POLR2F: variants seen among roughly 807,000 people sequenced by gnomAD.
POLR2F encodes the protein DNA-directed RNA polymerases I, II, and III subunit RPABC2.
Under a neutral mutation model 22.7 loss-of-function variants are expected in POLR2F, and 12 were observed. The observed-to-expected ratio is 0.53, with a 90% CI of 0.34 to 0.86. The LOEUF is 0.86. POLR2F is among the 40% of genes least tolerant of loss of function. The pLI, the probability that POLR2F is intolerant of heterozygous loss-of-function variation, is 0.02. For synonymous variants in POLR2F, 57 were observed against 66.0 expected (o/e 0.86, Z 0.66); for missense variants, 126 against 171.5 (o/e 0.73, Z 1.48).
intron 1 of POLR2F, among the ~76,000 whole-genome samples, chr22:37,995,834 A>ATT (rs200863783): frequency 1.4e-5 from 2 of 146,362 alleles, no homozygotes; most frequent in African/African-American, 5.4e-5. Flanking sequence ...TCTACTAAAA[A>ATT]TTAAAAAAAA....
intron 4 of POLR2F, among the ~76,000 whole-genome samples, chr22:37,976,984 A>G (rs1323054960): frequency 6.6e-6 from 1 of 151,786 alleles, no homozygotes; most frequent in East Asian, 2.0e-4. Flanking sequence ...CCTGGGCAAT[A>G]TAGTGAAACC....
intron 4 of POLR2F, among the ~76,000 whole-genome samples, chr22:37,977,449 T>C (rs1932254958): frequency 6.6e-6 from 1 of 151,680 alleles, no homozygotes; most frequent in Non-Finnish European, 1.5e-5. Context: ...GCCTCCTGAG[T>C]AGCTGGGACT....
rs377119587 is a variant in POLR2F at position 37,953,934 on chromosome 22, G to A, written c.20+127G>A. The A allele has an allele frequency of 5.3e-5, 62 of 1,177,858 alleles. No homozygotes were observed. The African/African-American group carries it at 8.7e-4, about 17-fold the overall frequency. The allele number at this position is 1,177,858 out of a possible 1,614,324, so 73.0% of individuals were successfully genotyped here. ...AGGGGACTGGGGTCCTGAGGGGGCCGGCGGAGCCGAGGAAGGGAAGGGCGG... is the reference window on the plus strand; with the variant it reads ...AGGGGACTGGGGTCCTGAGGGGGCCAGCGGAGCCGAGGAAGGGAAGGGCGG... On this transcript the variant is annotated intron_variant, in intron 1 of 4. Transcript: ENST00000442738.
At chr22:38,031,381 C>G (rs985153463), downstream of POLR2F, among the ~76,000 whole-genome samples, 1 of 152,170 alleles carries the variant, frequency 6.6e-6, no homozygotes, top group African/African-American at 2.4e-5. The surrounding 1 kb of genome is among the most constrained non-coding windows in gnomAD (Gnocchi z 4.1). Flanking sequence ...CACGTCCCCC[C>G]ACAAGGTAGA....
chr22:37,958,164 C>T (rs1320202475), intron 2 of POLR2F, among the ~76,000 whole-genome samples: 2 of 151,670 alleles, frequency 1.3e-5, no homozygotes, highest in Non-Finnish European at 2.9e-5. Flanking sequence ...GGTTCTGCAC[C>T]ACCATGCCCA....
intron 3 of POLR2F, among the ~76,000 whole-genome samples, chr22:37,964,572 C>CTTTT (rs11428366): frequency 6.1e-5 from 8 of 131,280 alleles, no homozygotes; most frequent in South Asian, 4.8e-4. Context: ...TTCTTTCTTT[C>CTTTT]TTTTTTTTTT....
chr22:37,957,510 G>A lies in POLR2F; in HGVS notation c.90+668G>A, dbSNP rs533486134. Among the ~76,000 whole-genome samples the A allele has an allele frequency of 3.3e-5, 5 of 152,304 alleles. No individual in the cohort carries two copies. The East Asian group carries it at 7.7e-4, about 23-fold the overall frequency. ...GGTGGATAGGTTGCCAGCCTCAAGA[G>A]GAAAGTAGGGCTTTCTGTCTTGTGT... On this transcript the variant is annotated intron_variant, in intron 2 of 4. Coordinates refer to ENST00000442738, the MANE Select transcript of POLR2F (RefSeq NM_021974.5).
downstream of POLR2F, chr22:37,974,167 G>A (rs751068158): frequency 1.2e-6 from 2 of 1,607,356 alleles, no homozygotes; most frequent in Non-Finnish European, 1.7e-6. This position sits in a 1 kb window ranked among gnomAD's most constrained non-coding sequence, Gnocchi z 5.4. Context: ...TCTTCGGGGT[G>A]GTTGGAGGGG....
chr22:37,986,189 C>G, upstream of POLR2F: 2 of 1,542,582 alleles, frequency 1.3e-6, no homozygotes, highest in Non-Finnish European at 1.7e-6. This position sits in a 1 kb window ranked among gnomAD's most constrained non-coding sequence, Gnocchi z 4.7. Context: ...GGAGAGGAGC[C>G]GCCCTGGATG....
Position 37,968,127 on chromosome 22 carries a change from T to C in POLR2F, c.*412T>C, listed in dbSNP as rs957876673. On this transcript the variant is annotated 3_prime_UTR_variant, in exon 5 of 5. Coordinates refer to ENST00000442738, the MANE Select transcript of POLR2F (RefSeq NM_021974.5). ...AGGGGCTTCTCCCTTCTCAGGAGTA[T>C]CACAGAGCAGGTCTCATCAAGCCAC... The C allele has an allele frequency of 1.0e-6, 1 of 990,574 alleles. No homozygotes were observed. The highest frequency in any genetic ancestry group is 1.7e-5 in the African/African-American group (1 of 57,308). The allele number at this position is 990,574 out of a possible 1,614,324, so 61.4% of individuals were successfully genotyped here. A position where few individuals can be genotyped will look rare whatever the true frequency, so the allele number is the denominator to read the frequency against.
At position 37,986,847 on chromosome 22, in the gene POLR2F, C is replaced by A; in HGVS notation, c.120+535C>A. On this transcript the variant is annotated intron_variant, in intron 1 of 2. Transcript: ENST00000333418. This position sits in a 1 kb window ranked among gnomAD's most constrained non-coding sequence, Gnocchi z 4.7. ...GCCCTGGGAACCCAGTGCTCTCCAG[C>A]AGGCAAGGGTGAAGGACCCATAGTC... 2.2e-6 allele frequency: 1 copy of A among 454,704 alleles called. No individual in the cohort carries two copies. The highest frequency in any genetic ancestry group is 1.6e-5 in the South Asian group (1 of 64,332). 28.2% of individuals were successfully genotyped at this position (454,704 alleles called of 1,614,324 possible).
At chr22:37,958,061 C>T (rs1184928333) in intron 2 of POLR2F, among the ~76,000 whole-genome samples, 1 of 152,054 alleles carries the variant, frequency 6.6e-6, no homozygotes, top group Non-Finnish European at 1.5e-5. Context: ...AGTACAATGG[C>T]TATTTTCAGG....
Position 37,967,646 on chromosome 22 carries a change from C to T in POLR2F, c.315C>T (p.Ile105=), listed in dbSNP as rs761294524. The change falls in exon 5 of 5, where the codon ATC becomes ATT. Residue 105 remains isoleucine (I), a synonymous_variant. Coordinates refer to ENST00000442738, the MANE Select transcript of POLR2F (RefSeq NM_021974.5). The part of the protein sequence containing the change: ...KELKARKIPI[I]IRRYLPDGSY... ...ACAGGGCCCGAAAGATCCCCATCATCATTCGCCGTTACCTGCCAGATGGGA... is the reference window on the plus strand; with the variant it reads ...ACAGGGCCCGAAAGATCCCCATCATTATTCGCCGTTACCTGCCAGATGGGA... The T allele has an allele frequency of 2.5e-6, 4 of 1,614,034 alleles. No individual in the cohort carries two copies. The highest frequency in any genetic ancestry group is 3.4e-6 in the Non-Finnish European group (4 of 1,179,982).
Position 37,977,478 on chromosome 22 carries a change from G to A in POLR2F, c.293+10308G>A, listed in dbSNP as rs562880010. Reference sequence around the variant, plus strand: ...TGGGACTACAGGTGCTCGCCACCACGCCCAGCTAATTTTTTTTATTTTTAG... The same window carrying A: ...TGGGACTACAGGTGCTCGCCACCACACCCAGCTAATTTTTTTTATTTTTAG... On this transcript the variant is annotated intron_variant, in intron 4 of 4. Transcript: ENST00000405557. 1.1e-4 allele frequency among the ~76,000 whole-genome samples: 17 copies of A among 151,914 alleles called. No individual in the cohort carries two copies. The South Asian group carries it at 3.1e-3, about 28-fold the overall frequency.
At chr22:38,022,761 C>T (rs1240215411) in intron 1 of POLR2F, among the ~76,000 whole-genome samples, 2 of 151,932 alleles carry the variant, frequency 1.3e-5, no homozygotes, top group Non-Finnish European at 2.9e-5. Context: ...GCCTGTAATC[C>T]CAGCACTTTG....
At chr22:37,993,686 G>A (rs1779784255) in intron 1 of POLR2F, among the ~76,000 whole-genome samples, 1 of 152,034 alleles carries the variant, frequency 6.6e-6, no homozygotes, top group Non-Finnish European at 1.5e-5. Context: ...CACGATACCT[G>A]CCATGTCACA....
chr22:38,041,369 G>C, downstream of POLR2F: 1 of 476,764 alleles, frequency 2.1e-6, no homozygotes, highest in Non-Finnish European at 3.7e-6. Flanking sequence ...CTTGGGGAGG[G>C]ACTGTTGGGA....
Position 37,956,092 on chromosome 22 carries a change from GC to G in POLR2F, c.21-680del, listed in dbSNP as rs200679932. Among the ~76,000 whole-genome samples the G allele has an allele frequency of 5.3e-3, 797 of 149,952 alleles. 12 individuals are homozygous for G. The highest frequency in any genetic ancestry group is 0.019 in the African/African-American group (757 of 40,356). ...TTTGTTTGTTTTTTGTTTTGCGGTGGCGGGGGGGGGTTTTGAGACGGAGTTT... is the reference window on the plus strand; with the variant it reads ...TTTGTTTGTTTTTTGTTTTGCGGTGGGGGGGGGGGTTTTGAGACGGAGTTT... On this transcript the variant is annotated intron_variant, in intron 1 of 4. Coordinates refer to ENST00000442738, the MANE Select transcript of POLR2F (RefSeq NM_021974.5).
intron 1 of POLR2F, among the ~76,000 whole-genome samples, chr22:37,955,749 C>G (rs1033082010): frequency 6.6e-6 from 1 of 151,898 alleles, no homozygotes; most frequent in East Asian, 1.9e-4. Context: ...GTGGGGTGAC[C>G]GTGGCTCAGT....
Sources: allele counts gnomAD v4.1 joint callset (sites outside exome capture counted in the v4.1 genomes callset), GRCh38; gene constraint gnomAD v4.1.1; non-coding constraint Gnocchi (gnomAD v3.1); transcripts MANE v1.5; gene names NCBI Gene and HGNC (gene_info 2026-07-23, HGNC 2026-07-21).